PRR12: variants seen among roughly 807,000 people sequenced by gnomAD.
The protein encoded by PRR12 is proline rich 12, also known as proline-rich protein 12.
In PRR12, 12 loss-of-function variants were observed where a neutral mutation model predicts 138.0. The ratio of observed to expected loss-of-function variants is 0.09; its 90% CI spans 0.06 to 0.14. The LOEUF (loss-of-function observed/expected upper bound fraction) is 0.14, where lower values mean the gene tolerates loss of function less well. PRR12 is among the 10% of genes least tolerant of loss of function. The pLI is 1.00. For missense variants in PRR12, 2,692 were observed against 2,861.3 expected, an observed-to-expected ratio of 0.94 and a Z score of 1.35; for synonymous variants, 1,567 against 1,291.7, an observed-to-expected ratio of 1.21 and a Z score of -4.57.
chr19:49,624,731 C>T, intron 11 of PRR12, 113 bp from the exon 12 acceptor site: 1 of 1,445,512 alleles, frequency 6.9e-7, no homozygotes, highest in Non-Finnish European at 9.2e-7. Context: ...CTCTAGTTGT[C>T]TCTCCTGATC....
chr19:49,602,785 C>T (rs2080819281), intron 6 of PRR12, among the ~76,000 whole-genome samples: 1 of 152,200 alleles, frequency 6.6e-6, no homozygotes, highest in South Asian at 2.1e-4. Flanking sequence ...CTCCTGACCT[C>T]AGATGACCCA....
In PRR12 at chr19:49,625,188, C is replaced by T; in HGVS notation, c.5952C>T (p.Arg1984=). The change falls in exon 13 of 14, where the codon CGC becomes CGT. Residue 1984 remains arginine (R), a synonymous_variant. Transcript: ENST00000418929. The surrounding 1 kb of genome is among the most constrained non-coding windows in gnomAD (Gnocchi z 5.5). The part of the protein sequence containing the change: ...LHHYKYHTFL[R]CRDQTLAIEG... ...ACTATAAATACCACACCTTCCTGCG[C>T]TGCCGGGACCAGGTGAGCCCCACCC... The T allele has an allele frequency of 6.2e-7, 1 of 1,613,610 alleles. No homozygotes were observed. Among genetic ancestry groups the T allele is most frequent in the Non-Finnish European group, 8.5e-7 (1 of 1,179,580 alleles).
At position 49,596,576 on chromosome 19, in the gene PRR12, C is replaced by T; in HGVS notation, c.2241C>T (p.Val747=). Residue 747 remains valine (V), a synonymous_variant, in exon 4 of 14, where the codon GTC becomes GTT. Coordinates refer to ENST00000418929, the MANE Select transcript of PRR12 (RefSeq NM_020719.3). This position sits in a 1 kb window ranked among gnomAD's most constrained non-coding sequence, Gnocchi z 5.6. Reference sequence around the variant, plus strand: ...CCGAGGGGCTGGCCACCTCTGTTGTCCACTACGGGGCAGGCGCCAAGGAGC... The same window carrying T: ...CCGAGGGGCTGGCCACCTCTGTTGTTCACTACGGGGCAGGCGCCAAGGAGC... The part of the protein sequence containing the change: ...ETPEGLATSV[V]HYGAGAKELG... The T allele has an allele frequency of 5.6e-6, 9 of 1,600,056 alleles. No individual in the cohort carries two copies. The highest frequency in any genetic ancestry group is 7.7e-6 in the Non-Finnish European group (9 of 1,174,152).
At chr19:49,592,214 C>T (rs781503282) in intron 1 of PRR12, among the ~76,000 whole-genome samples, 2 of 152,222 alleles carry the variant, frequency 1.3e-5, no homozygotes, top group African/African-American at 4.8e-5. Flanking sequence ...AGGCGCCCCC[C>T]CAAGAATTCC....
chr19:49,595,862 G>A lies in PRR12; in HGVS notation c.1527G>A (p.Val509=), dbSNP rs1266939336. ...AGCTGCAGGGGCAGCTGTATGGGGT[G>A]CAGGGCGAGCCATACCCAGGGCCAG... ...PDQLQGQLYG[V]QGEPYPGPAA... Residue 509 remains valine, a synonymous_variant, in exon 4 of 14, where the codon GTG becomes GTA. Transcript: ENST00000418929. 2 of 1,601,704 alleles carry A rather than the reference G, an allele frequency of 1.2e-6. No individual in the cohort carries two copies. Among genetic ancestry groups the A allele is most frequent in the East Asian group, 2.2e-5 (1 of 44,756 alleles).
At chr19:49,612,108 C>G (rs949024943) in intron 6 of PRR12, among the ~76,000 whole-genome samples, 2 of 149,364 alleles carry the variant, frequency 1.3e-5, no homozygotes, top group African/African-American at 4.9e-5. Flanking sequence ...GCATGTGCCT[C>G]TAGTCCCAGC....
At chr19:49,601,433 A>AGGAAAGG in intron 5 of PRR12, 58 bp from the exon 6 acceptor site, 2 of 956,898 alleles carry the variant, frequency 2.1e-6, no homozygotes, top group South Asian at 3.3e-5. Flanking sequence ...AAAGGACAAG[A>AGGAAAGG]GGAAAGGTGC....
Position 49,594,038 on chromosome 19 carries a change from C to T in PRR12, c.200-416C>T, listed in dbSNP as rs1177135303. Among the ~76,000 whole-genome samples, 4 of 152,116 alleles carry T rather than the reference C, an allele frequency of 2.6e-5. No individual in the cohort carries two copies. In the East Asian group the frequency reaches 5.8e-4, roughly 22 times the overall value. ...CTGAACCCTCCCACTTAGCTCAATC[C>T]TTTCTGACACGTTCTCTGGTCTTTC... is the stretch of plus-strand genomic sequence containing the variant. On this transcript the variant is annotated intron_variant, in intron 2 of 13. Transcript: ENST00000418929. This position sits in a 1 kb window ranked among gnomAD's most constrained non-coding sequence, Gnocchi z 5.6.
In PRR12 at chr19:49,597,311, C is replaced by T. The variant is rs748538957; in HGVS notation, c.2976C>T (p.Pro992=). ...PGPPAYDPYG[P]YCPGRASGAG... ...CCCCTGCTTATGATCCCTATGGGCC[C>T]TACTGTCCTGGCCGGGCGTCGGGAG... Residue 992 remains proline (P), a synonymous_variant, in exon 4 of 14, where the codon CCC becomes CCT. Transcript: ENST00000418929. This position sits in a 1 kb window ranked among gnomAD's most constrained non-coding sequence, Gnocchi z 6.3. The T allele has an allele frequency of 7.1e-6, 11 of 1,556,898 alleles. No individual in the cohort carries two copies. Among genetic ancestry groups the T allele is most frequent in the Non-Finnish European group, 9.5e-6 (11 of 1,154,002 alleles).
chr19:49,599,417 C>T lies in PRR12; in HGVS notation c.3824C>T (p.Pro1275Leu), dbSNP rs2080796588. 3 of 1,610,692 alleles carry T rather than the reference C, an allele frequency of 1.9e-6. No homozygotes were observed. Among genetic ancestry groups the T allele is most frequent in the Non-Finnish European group, 2.5e-6 (3 of 1,178,726 alleles). The change falls in exon 5 of 14, where the codon CCG becomes CTG. Residue 1275 changes from proline to leucine, a missense_variant. Pro to Leu is a moderately conservative substitution (Grantham distance 98, BLOSUM62 -3). Around this residue, in one of 11 missense-constraint regions of PRR12, gnomAD observed 326 missense variants for 344.2 expected, o/e 0.95. Transcript: ENST00000418929. This position sits in a 1 kb window ranked among gnomAD's most constrained non-coding sequence, Gnocchi z 5.0. ...ATTAAGGAGGTGGAGGAGAAGCAGCCGGAGATGAAGTCGGGTTTCATGGCC... is the reference window on the plus strand; with the variant it reads ...ATTAAGGAGGTGGAGGAGAAGCAGCTGGAGATGAAGTCGGGTTTCATGGCC... ...AKIKEVEEKQ[P>L]EMKSGFMASF...
Position 49,596,337 on chromosome 19 carries a change from G to A in PRR12, c.2002G>A (p.Ala668Thr). 6.2e-7 allele frequency: 1 copy of A among 1,610,016 alleles called. No homozygotes were observed. Among genetic ancestry groups the A allele is most frequent in the Non-Finnish European group, 8.5e-7 (1 of 1,179,498 alleles). ...ADGLVGEDGAADASKGLGGSG... is the reference protein window; with the variant it reads ...ADGLVGEDGATDASKGLGGSG... ...CGGCTTGGTGGGCGAGGACGGGGCA[G>A]CAGATGCCTCTAAGGGACTTGGGGG... is the stretch of plus-strand genomic sequence containing the variant. Residue 668 changes from alanine (A) to threonine (T), a missense_variant, in exon 4 of 14, where the codon GCA (alanine) becomes ACA (threonine). Physicochemically the swap from Ala to Thr is moderately conservative, Grantham distance 58. Around this residue, in one of 11 missense-constraint regions of PRR12, gnomAD observed 840 missense variants for 689.8 expected, o/e 1.22. Coordinates refer to ENST00000418929, the MANE Select transcript of PRR12 (RefSeq NM_020719.3). This position sits in a 1 kb window ranked among gnomAD's most constrained non-coding sequence, Gnocchi z 5.6.
At chr19:49,593,156 G>C (rs1027643167) in intron 1 of PRR12, among the ~76,000 whole-genome samples, 171 bp from the exon 2 acceptor site, 1 of 151,944 alleles carries the variant, frequency 6.6e-6, no homozygotes, top group African/African-American at 2.4e-5. Context: ...CTCTTTAGTT[G>C]AGCACCCCGA....
In PRR12 at chr19:49,625,862, A is replaced by G; in HGVS notation, c.*255A>G. ...TATTTATATATATGTATAAATGTCTATTTAGTAACGGTTTCCCTCTCCCCT... is the reference window on the plus strand; with the variant it reads ...TATTTATATATATGTATAAATGTCTGTTTAGTAACGGTTTCCCTCTCCCCT... On this transcript the variant is annotated 3_prime_UTR_variant, in exon 14 of 14. Transcript: ENST00000418929. This position sits in a 1 kb window ranked among gnomAD's most constrained non-coding sequence, Gnocchi z 5.5. The G allele has an allele frequency of 2.9e-6, 1 of 346,862 alleles. No individual in the cohort carries two copies. The highest frequency in any genetic ancestry group is 5.1e-6 in the Non-Finnish European group (1 of 195,556). 21.5% of individuals were successfully genotyped at this position (346,862 alleles called of 1,614,324 possible).
Position 49,620,397 on chromosome 19 carries a change from A to T in PRR12, c.5543A>T (p.Glu1848Val). 6.2e-7 allele frequency: 1 copy of T among 1,611,844 alleles called. No individual in the cohort carries two copies. The highest frequency in any genetic ancestry group is 8.5e-7 in the Non-Finnish European group (1 of 1,179,096). Residue 1848 changes from glutamate (E) to valine (V), a missense_variant, in exon 10 of 14, where the codon GAG (glutamate) becomes GTG (valine). Glu to Val is a moderately radical substitution (Grantham distance 121, BLOSUM62 -2). This residue lies in a region of PRR12 where 259 missense variants were observed against 265.1 expected (regional missense o/e 0.98). Coordinates refer to ENST00000418929, the MANE Select transcript of PRR12 (RefSeq NM_020719.3). Reference protein sequence around the residue: ...GRLLKTRAMREMYRSYVEMLV... With the variant: ...GRLLKTRAMRVMYRSYVEMLV... Reference sequence around the variant, plus strand: ...CTGCTCAAAACCAGGGCGATGCGGGAGATGTACCGGAGCTACGTGGAGATG... The same window carrying T: ...CTGCTCAAAACCAGGGCGATGCGGGTGATGTACCGGAGCTACGTGGAGATG...
chr19:49,625,297 G>A lies in PRR12; in HGVS notation c.5964+97G>A. ...CCAAGCCCAGCCCCATCCTGCCTCA[G>A]ACCCAAGAGTTCAGGTCCTTCTGTC... On this transcript the variant is annotated intron_variant, in intron 13 of 13. Transcript: ENST00000418929. The surrounding 1 kb of genome is among the most constrained non-coding windows in gnomAD (Gnocchi z 5.5). 1 of 1,480,720 alleles carries A rather than the reference G, an allele frequency of 6.8e-7. No individual in the cohort carries two copies. Among genetic ancestry groups the A allele is most frequent in the Non-Finnish European group, 9.3e-7 (1 of 1,075,668 alleles). 91.7% of individuals were successfully genotyped at this position (1,480,720 alleles called of 1,614,324 possible).
chr19:49,618,635 C>T (rs1476916124), intron 9 of PRR12, among the ~76,000 whole-genome samples: 5 of 152,060 alleles, frequency 3.3e-5, no homozygotes, highest in African/African-American at 1.2e-4. Flanking sequence ...GCGATCCTCT[C>T]GCCTCAGTCT....
chr19:49,611,880 G>A (rs1228535599), intron 6 of PRR12, among the ~76,000 whole-genome samples: 1 of 139,188 alleles, frequency 7.2e-6, no homozygotes, highest in African/African-American at 2.9e-5. Flanking sequence ...CCGAGGTCGC[G>A]CCACTGCACT....
Position 49,597,010 on chromosome 19 carries a change from C to T in PRR12, c.2675C>T (p.Pro892Leu), listed in dbSNP as rs1261147077. ...CTCGGGGCTCTGGAGCCGCTGCCCCCGGCGCCTGGGGATACTGGCGTAGGC... is the reference window on the plus strand; with the variant it reads ...CTCGGGGCTCTGGAGCCGCTGCCCCTGGCGCCTGGGGATACTGGCGTAGGC... ...ELLGALEPLPPAPGDTGVGPP... is the reference protein window; with the variant it reads ...ELLGALEPLPLAPGDTGVGPP... The change falls in exon 4 of 14, where the codon CCG becomes CTG. Residue 892 changes from proline (P) to leucine (L), a missense_variant. Pro to Leu is a moderately conservative substitution (Grantham distance 98, BLOSUM62 -3). Transcript: ENST00000418929. This position sits in a 1 kb window ranked among gnomAD's most constrained non-coding sequence, Gnocchi z 6.3. The T allele has an allele frequency of 1.1e-5, 17 of 1,557,520 alleles. No homozygotes were observed. The highest frequency in any genetic ancestry group is 4.1e-5 in the African/African-American group (3 of 73,358).
At chr19:49,621,126 GCTGGGGGTCGAGGGC>G (rs1290355495) in intron 10 of PRR12, among the ~76,000 whole-genome samples, 1 of 122,036 alleles carries the variant, frequency 8.2e-6, no homozygotes, top group Non-Finnish European at 1.7e-5. Context: ...GGGAGGAGGG[GCTGGGGGTCGAGGGC>G]CTGGGGGTCT....
Sources: gnomAD v4.1 joint callset for allele counts (sites outside exome capture counted in the v4.1 genomes callset) on GRCh38, gnomAD v4.1.1 for gene constraint, gnomAD v4.1.1 regional missense constraint, Gnocchi (gnomAD v3.1) non-coding constraint, MANE v1.5 for transcripts, NCBI Gene and HGNC (gene_info 2026-07-23, HGNC 2026-07-21) for gene names.